The following CSNK1G2 variants were observed in gnomAD, a reference collection of about 807,000 sequenced individuals.
CSNK1G2 encodes the protein casein kinase 1 gamma 2.
Under a neutral mutation model 48.0 loss-of-function variants are expected in CSNK1G2, and 11 were observed. That is an observed-to-expected ratio of 0.23 (90% CI 0.14 to 0.38). CSNK1G2 has a LOEUF of 0.38. Ranked by LOEUF, CSNK1G2 falls within the 10% of genes least tolerant of loss-of-function variation. The pLI is 1.00. For synonymous variants in CSNK1G2, 337 were observed against 254.1 expected, an observed-to-expected ratio of 1.33 and a Z score of -3.10; for missense variants, 446 against 595.5, an observed-to-expected ratio of 0.75 and a Z score of 2.61.
Position 1,980,640 on chromosome 19 carries a change from G to T in CSNK1G2, c.*437G>T, listed in dbSNP as rs988578756. 7.6e-5 allele frequency: 17 copies of T among 223,192 alleles called. No homozygotes were observed. Among genetic ancestry groups the T allele is most frequent in the Non-Finnish European group, 1.3e-4 (14 of 109,506 alleles). The allele number at this position is 223,192 out of a possible 1,614,324, so 13.8% of individuals were successfully genotyped here. A position where few individuals can be genotyped will look rare whatever the true frequency, so the allele number is the denominator to read the frequency against. On this transcript the variant is annotated 3_prime_UTR_variant, in exon 12 of 12. Coordinates refer to ENST00000255641, the MANE Select transcript of CSNK1G2 (RefSeq NM_001319.7). ...CCCTCGATCCAAAGGCCGTTTTCTCGAGGGGAGGGCAGGCCCGGCCTGGAG... is the reference window on the plus strand; with the variant it reads ...CCCTCGATCCAAAGGCCGTTTTCTCTAGGGGAGGGCAGGCCCGGCCTGGAG...
In CSNK1G2 at chr19:1,977,244, A is replaced by G. The variant is rs576924290; in HGVS notation, c.188-1061A>G. ...AGACACATGGGTGCCAGACACGTTC[A>G]TGCCTGTCGTCTGGCCCAGCTGCCG... On this transcript the variant is annotated intron_variant, in intron 2 of 11. Transcript: ENST00000255641. Among the ~76,000 whole-genome samples the G allele has an allele frequency of 9.8e-5, 15 of 152,296 alleles. No homozygotes were observed. In the East Asian group the frequency reaches 2.9e-3, roughly 29 times the overall value.
chr19:1,944,772 C>G (rs951870414), intron 1 of CSNK1G2, among the ~76,000 whole-genome samples: 1 of 152,146 alleles, frequency 6.6e-6, no homozygotes, highest in Non-Finnish European at 1.5e-5. Flanking sequence ...ACGGTGTATT[C>G]AATGCACTGC....
At chr19:1,955,019 C>T (rs1263458574) in intron 1 of CSNK1G2, among the ~76,000 whole-genome samples, 1 of 152,176 alleles carries the variant, frequency 6.6e-6, no homozygotes, top group Non-Finnish European at 1.5e-5. Flanking sequence ...CCTTTACGTC[C>T]TCGCTTCCTT....
Position 1,967,218 on chromosome 19 carries a change from C to T in CSNK1G2, c.-265-2290C>T, listed in dbSNP as rs560458941. On this transcript the variant is annotated intron_variant, in intron 1 of 11. Coordinates refer to ENST00000255641, the MANE Select transcript of CSNK1G2 (RefSeq NM_001319.7). The stretch of plus-strand genomic sequence containing the variant: ...TGGCACCGGAACGCAGGGGCCACAT[C>T]CAGGGGGGCAGTGCTTGTGACGCCG... 2.0e-5 allele frequency among the ~76,000 whole-genome samples: 3 copies of T among 152,310 alleles called. No individual in the cohort carries two copies. The South Asian group carries it at 6.2e-4, about 32-fold the overall frequency.
intron 1 of CSNK1G2, chr19:1,953,905 T>C (rs1197261077): frequency 1.9e-6 from 1 of 534,152 alleles, no homozygotes; most frequent in Non-Finnish European, 3.8e-6. Flanking sequence ...AGAGGCCGGC[T>C]GTCCTCGTGG....
intron 1 of CSNK1G2, chr19:1,953,113 A>G: frequency 2.5e-6 from 1 of 392,628 alleles, no homozygotes; most frequent in South Asian, 1.8e-5. Flanking sequence ...TCTCAGATGT[A>G]GCAGGATTCC....
chr19:1,946,527 G>A (rs1278517893), intron 1 of CSNK1G2, among the ~76,000 whole-genome samples: 4 of 150,918 alleles, frequency 2.7e-5, no homozygotes, highest in South Asian at 2.1e-4. Flanking sequence ...TCCTGACCTC[G>A]TGATCTGCCC....
In CSNK1G2 at chr19:1,941,365, G is replaced by A. The variant is rs1217604712; in HGVS notation, c.-319G>A. The stretch of plus-strand genomic sequence containing the variant: ...GCGGGGGTCCGCGCTGCGCTGCTGA[G>A]GCCGGGCCGGCCGCCCAGACGCTGC... On this transcript the variant is annotated 5_prime_UTR_variant, in exon 1 of 12. Transcript: ENST00000255641. The A allele has an allele frequency of 6.8e-6, 1 of 147,912 alleles. No individual in the cohort carries two copies. The highest frequency in any genetic ancestry group is 1.5e-5 in the Non-Finnish European group (1 of 66,292). 9.2% of individuals were successfully genotyped at this position (147,912 alleles called of 1,614,324 possible). A position where few individuals can be genotyped will look rare whatever the true frequency, so the allele number is the denominator to read the frequency against.
At position 1,979,897 on chromosome 19, in the gene CSNK1G2, A is replaced by G. The variant is rs781505557; in HGVS notation, c.1087-14A>G. 24 of 1,607,194 alleles carry G rather than the reference A, an allele frequency of 1.5e-5. No individual in the cohort carries two copies. The highest frequency in any genetic ancestry group is 3.4e-5 in the Admixed American group (2 of 59,302). On this transcript the variant is annotated splice_polypyrimidine_tract_variant and intron_variant, in intron 10 of 11. Coordinates refer to ENST00000255641, the MANE Select transcript of CSNK1G2 (RefSeq NM_001319.7). ...GCATGGGCGGCCAGCGTGACCCCCT[A>G]CTGCCCCCACCAGGCGTTGAACTCC...
At chr19:1,973,628 C>T (rs1415300196) in intron 2 of CSNK1G2, among the ~76,000 whole-genome samples, 5 of 152,204 alleles carry the variant, frequency 3.3e-5, no homozygotes, top group African/African-American at 1.2e-4. Context: ...TCAGGCTGTG[C>T]GGCTGCTGCT....
chr19:1,965,162 A>G (rs577389524), intron 1 of CSNK1G2, among the ~76,000 whole-genome samples: 19 of 150,420 alleles, frequency 1.3e-4, no homozygotes, highest in Non-Finnish European at 2.2e-4. Context: ...TCGGGAGGCC[A>G]AGGCGGGCAG....
chr19:1,962,789 ATG>A (rs2015241076), intron 1 of CSNK1G2, among the ~76,000 whole-genome samples: 1 of 97,966 alleles, frequency 1.0e-5, no homozygotes, highest in Non-Finnish European at 1.8e-5. Flanking sequence ...CTCCTCAAAG[ATG>A]CACAGATCTC....
chr19:1,941,781 AC>A (rs1224510567), intron 1 of CSNK1G2, among the ~76,000 whole-genome samples: 7 of 90,844 alleles, frequency 7.7e-5, no homozygotes, highest in South Asian at 4.8e-4. Context: ...CGCTCCAGTG[AC>A]CCCCCCACTC....
intron 1 of CSNK1G2, among the ~76,000 whole-genome samples, chr19:1,948,069 T>C (rs2014627719): frequency 6.6e-6 from 1 of 152,154 alleles, no homozygotes; most frequent in Non-Finnish European, 1.5e-5. Context: ...ACCCTGGCCC[T>C]GTGAGCAGGA....
chr19:1,978,829 C>T lies in CSNK1G2; in HGVS notation c.448-30C>T. The T allele has an allele frequency of 6.3e-7, 1 of 1,592,170 alleles. No individual in the cohort carries two copies. Among genetic ancestry groups the T allele is most frequent in the Non-Finnish European group, 8.5e-7 (1 of 1,172,130 alleles). ...GGGGAGCGCGTGGGACGGGGAGGGG[C>T]CCGGCCGACACCGCCGTGCCCCCCT... is the stretch of plus-strand genomic sequence containing the variant. On this transcript the variant is annotated intron_variant, in intron 5 of 11. Transcript: ENST00000255641. This position sits in a 1 kb window ranked among gnomAD's most constrained non-coding sequence, Gnocchi z 7.3.
chr19:1,966,095 G>A (rs939396202), intron 1 of CSNK1G2, among the ~76,000 whole-genome samples: 3 of 152,210 alleles, frequency 2.0e-5, no homozygotes, highest in Admixed American at 6.5e-5. Flanking sequence ...CACCGCAGCC[G>A]CCCATGACTC....
In CSNK1G2 at chr19:1,980,349, C is replaced by A; in HGVS notation, c.*146C>A. 1.0e-6 allele frequency: 1 copy of A among 986,510 alleles called. No homozygotes were observed. The highest frequency in any genetic ancestry group is 1.6e-6 in the Non-Finnish European group (1 of 644,528). The allele number at this position is 986,510 out of a possible 1,614,324, so 61.1% of individuals were successfully genotyped here. ...CGCAGACTGCAGGGGCCGCGCCTGG[C>A]TCAGGCGGCCCCACCCCCGGGACGT... On this transcript the variant is annotated 3_prime_UTR_variant, in exon 12 of 12. Coordinates refer to ENST00000255641, the MANE Select transcript of CSNK1G2 (RefSeq NM_001319.7).
At chr19:1,976,732 TCTTG>T (rs2015769222) in intron 2 of CSNK1G2, among the ~76,000 whole-genome samples, 2 of 135,546 alleles carry the variant, frequency 1.5e-5, no homozygotes, top group African/African-American at 6.3e-5. Flanking sequence ...GAGGCCTCTT[TCTTG>T]CTTTCTTTTT....
intron 2 of CSNK1G2, among the ~76,000 whole-genome samples, chr19:1,973,761 G>C (rs1207197643): frequency 6.6e-6 from 1 of 152,184 alleles, no homozygotes; most frequent in East Asian, 1.9e-4. Flanking sequence ...TCTCAGCTGA[G>C]ATTTCCCATG....
Sources: allele counts gnomAD v4.1 joint callset (sites outside exome capture counted in the v4.1 genomes callset), GRCh38; gene constraint gnomAD v4.1.1; non-coding constraint Gnocchi (gnomAD v3.1); transcripts MANE v1.5; gene names NCBI Gene and HGNC (gene_info 2026-07-23, HGNC 2026-07-21).